Variants in SPTB observed in about 807,000 individuals in gnomAD.
SPTB encodes the protein spectrin beta, erythrocytic.
Under a neutral mutation model 256.2 loss-of-function variants are expected in SPTB, and 45 were observed. The observed-to-expected ratio is 0.18, with a 90% confidence interval of 0.14 to 0.23. The LOEUF (loss-of-function observed/expected upper bound fraction) is 0.23. Among genes scored for constraint, SPTB ranks in the 10% least tolerant of loss-of-function variants. SPTB has a pLI of 1.00. For synonymous variants in SPTB, 1,231 were observed against 1,243.1 expected, an observed-to-expected ratio of 0.99 and a Z score of 0.21; for missense variants, 2,715 against 3,040.4, an observed-to-expected ratio of 0.89 and a Z score of 2.52.
At chr14:64,833,010 A>G (rs1772978105) in intron 1 of SPTB, among the ~76,000 whole-genome samples, 1 of 152,348 alleles carries the variant, frequency 6.6e-6, no homozygotes, top group South Asian at 2.1e-4. Flanking sequence ...AAGGAAGTTT[A>G]AAACCCATAA....
At position 64,747,451 on chromosome 14, in the gene SPTB, T is replaced by C. The variant is rs2081864604; in HGVS notation, c.*1855A>G. On this transcript the variant is annotated 3_prime_UTR_variant, in exon 36 of 36. Transcript: ENST00000644917. The stretch of plus-strand genomic sequence containing the variant: ...ACTAGGTTCCCTGTATAGGGTCATA[T>C]GTACCAAAGCCAAATGAAGACCTTG... 1 of 152,666 alleles carries C rather than the reference T, an allele frequency of 6.6e-6. No individual in the cohort carries two copies. Among genetic ancestry groups the C allele is most frequent in the African/African-American group, 2.4e-5 (1 of 41,458 alleles). The allele number at this position is 152,666 out of a possible 1,614,324, so 9.5% of individuals were successfully genotyped here.
In SPTB at chr14:64,747,689, A is replaced by G. The variant is rs1358447085; in HGVS notation, c.*1617T>C. ...TGTGGCTTCTACCTGAACCTCACCC[A>G]CTTCATCTCCATGGAACTAAGGTCC... is the stretch of plus-strand genomic sequence containing the variant. On this transcript the variant is annotated 3_prime_UTR_variant, in exon 36 of 36. Coordinates refer to ENST00000644917, the MANE Select transcript of SPTB (RefSeq NM_001355436.2). 2 of 152,062 alleles carry G rather than the reference A, an allele frequency of 1.3e-5. No individual in the cohort carries two copies. Among genetic ancestry groups the G allele is most frequent in the Non-Finnish European group, 2.9e-5 (2 of 68,024 alleles). The allele number at this position is 152,062 out of a possible 1,614,324, so 9.4% of individuals were successfully genotyped here.
chr14:64,766,692 C>A lies in SPTB; in HGVS notation c.6345+34G>T, dbSNP rs2082188637. ...TGAGAGGGCTCTGGCTGCAGTGACT[C>A]CCAGGAACTAGACAAACGAGACCAG... On this transcript the variant is annotated intron_variant, in intron 32 of 35. Coordinates refer to ENST00000644917, the MANE Select transcript of SPTB (RefSeq NM_001355436.2). The A allele has an allele frequency of 4.3e-6, 7 of 1,613,518 alleles. No homozygotes were observed. In the East Asian group the frequency reaches 1.6e-4, roughly 36 times the overall value.
intron 1 of SPTB, among the ~76,000 whole-genome samples, chr14:64,842,415 G>A (rs1354705306): frequency 6.6e-6 from 1 of 152,180 alleles, no homozygotes; most frequent in Non-Finnish European, 1.5e-5. Context: ...GCAGTAGGGG[G>A]TAGTGGTTAG....
Position 64,759,301 on chromosome 14 carries a change from C to T in SPTB, c.6346-5508G>A, listed in dbSNP as rs560787247. Among the ~76,000 whole-genome samples, 33 of 152,306 alleles carry T rather than the reference C, an allele frequency of 2.2e-4. No individual in the cohort carries two copies. The highest frequency in any genetic ancestry group is 5.5e-4 in the African/African-American group (23 of 41,554). On this transcript the variant is annotated intron_variant, in intron 32 of 35. Transcript: ENST00000644917. The surrounding 1 kb of genome is among the most constrained non-coding windows in gnomAD (Gnocchi z 4.8). ...GGACCCACCCATGACCCCCTGGCTG[C>T]GAACCTGCAGTGGGAGGCCTGTGGC...
rs1882199955 is a variant in SPTB at position 64,866,643 on chromosome 14, G to A, written c.-52+13149C>T. ...CCATGACAGAGAGTTTTGTTGAAAG[G>A]AACAAAACATGCTCAGAGGCCTGAG... On this transcript the variant is annotated intron_variant, in intron 1 of 35. Coordinates refer to ENST00000644917, the MANE Select transcript of SPTB (RefSeq NM_001355436.2). This position sits in a 1 kb window ranked among gnomAD's most constrained non-coding sequence, Gnocchi z 4.6. Among the ~76,000 whole-genome samples the A allele has an allele frequency of 6.6e-6, 1 of 152,070 alleles. No individual in the cohort carries two copies. The highest frequency in any genetic ancestry group is 1.5e-5 in the Non-Finnish European group (1 of 68,024).
At chr14:64,839,149 T>C (rs1275121993) in intron 1 of SPTB, among the ~76,000 whole-genome samples, 1 of 152,136 alleles carries the variant, frequency 6.6e-6, no homozygotes, top group East Asian at 1.9e-4. Context: ...AAAGCCTCTA[T>C]GCAAATATTT....
intron 1 of SPTB, among the ~76,000 whole-genome samples, chr14:64,867,716 T>C (rs1882271244): frequency 6.6e-6 from 1 of 151,616 alleles, no homozygotes; most frequent in South Asian, 2.1e-4. Flanking sequence ...TACCCGGGCA[T>C]GGTGGCGGGC....
chr14:64,824,413 G>A lies in SPTB; in HGVS notation c.-51-1268C>T, dbSNP rs919371642. 3.3e-5 allele frequency among the ~76,000 whole-genome samples: 5 copies of A among 152,106 alleles called. No homozygotes were observed. The highest frequency in any genetic ancestry group is 2.0e-4 in the Admixed American group (3 of 15,278). On this transcript the variant is annotated intron_variant, in intron 1 of 35. Transcript: ENST00000644917. This position sits in a 1 kb window ranked among gnomAD's most constrained non-coding sequence, Gnocchi z 5.7. ...GGAGTCAGGGGAGAAAAGTGAGGAG[G>A]GGGCCAGGGGAGCCAGGCTTGGTCT... is the stretch of plus-strand genomic sequence containing the variant.
intron 1 of SPTB, among the ~76,000 whole-genome samples, chr14:64,871,013 C>G (rs562307406): frequency 6.6e-6 from 1 of 152,170 alleles, no homozygotes; most frequent in Non-Finnish European, 1.5e-5. Flanking sequence ...GATGGCTGCA[C>G]AGCAATGTGA....
intron 1 of SPTB, among the ~76,000 whole-genome samples, chr14:64,851,842 AACACGC>A (rs1173101017): frequency 6.6e-6 from 1 of 151,778 alleles, no homozygotes; most frequent in Non-Finnish European, 1.5e-5. Flanking sequence ...GGAAGGGAAC[AACACGC>A]ACTAGGGCCT....
At chr14:64,804,677 C>A (rs1458038584) in intron 3 of SPTB, among the ~76,000 whole-genome samples, 2 of 152,124 alleles carry the variant, frequency 1.3e-5, no homozygotes. Flanking sequence ...TACAGATGCC[C>A]AGAGCCCAAA....
rs2082395484 is a variant in SPTB, at chr14:64,778,218, T to C, written c.4563+939A>G. 6.6e-6 allele frequency among the ~76,000 whole-genome samples: 1 copy of C among 152,170 alleles called. No individual in the cohort carries two copies. Reference sequence around the variant, plus strand: ...TGAAGAAACTTCTCTGAATATAATCTAGGCCTCTGCACTGCTGCTGGGCTC... The same window carrying C: ...TGAAGAAACTTCTCTGAATATAATCCAGGCCTCTGCACTGCTGCTGGGCTC... On this transcript the variant is annotated intron_variant, in intron 22 of 35. Coordinates refer to ENST00000644917, the MANE Select transcript of SPTB (RefSeq NM_001355436.2). This position sits in a 1 kb window ranked among gnomAD's most constrained non-coding sequence, Gnocchi z 5.2.
Position 64,873,758 on chromosome 14 carries a change from C to A in SPTB, c.-52+6034G>T, listed in dbSNP as rs1882674892. 6.6e-6 allele frequency among the ~76,000 whole-genome samples: 1 copy of A among 152,132 alleles called. No individual in the cohort carries two copies. The highest frequency in any genetic ancestry group is 2.4e-5 in the African/African-American group (1 of 41,420). On this transcript the variant is annotated intron_variant, in intron 1 of 35. Transcript: ENST00000644917. The surrounding 1 kb of genome is among the most constrained non-coding windows in gnomAD (Gnocchi z 4.3). ...TGAGAAGACCTGGAAACAGCCCCAGCCTCAGAACTAGGCAACTGGGTCAAA... is the reference window on the plus strand; with the variant it reads ...TGAGAAGACCTGGAAACAGCCCCAGACTCAGAACTAGGCAACTGGGTCAAA...
At chr14:64,820,731 C>T (rs1044694898) in intron 2 of SPTB, among the ~76,000 whole-genome samples, 10 of 152,240 alleles carry the variant, frequency 6.6e-5, no homozygotes, top group South Asian at 2.1e-4. Flanking sequence ...AGTGCAGTGG[C>T]GTGATCTTGG....
At chr14:64,878,414 T>G (rs1882937711) in intron 1 of SPTB, among the ~76,000 whole-genome samples, 1 of 152,192 alleles carries the variant, frequency 6.6e-6, no homozygotes, top group Non-Finnish European at 1.5e-5. Flanking sequence ...AAAGGTGTTT[T>G]CAATTGCATT....
At chr14:64,784,875 A>G (rs1415766486) in intron 18 of SPTB, among the ~76,000 whole-genome samples, 1 of 152,206 alleles carries the variant, frequency 6.6e-6, no homozygotes, top group Non-Finnish European at 1.5e-5. Flanking sequence ...AAGTCAGGGA[A>G]AACCCCATTC....
chr14:64,859,704 C>CTCTCTCTCTCTCTG (rs2083929005), intron 1 of SPTB, among the ~76,000 whole-genome samples: 1 of 15,270 alleles, frequency 6.5e-5, no homozygotes, highest in Non-Finnish European at 3.3e-4. Flanking sequence ...GTCTCTCTCT[C>CTCTCTCTCTCTCTG]TCTCTCTCTC....
intron 33 of SPTB, among the ~76,000 whole-genome samples, chr14:64,750,718 G>A (rs1026731877): frequency 6.6e-6 from 1 of 151,458 alleles, no homozygotes; most frequent in Non-Finnish European, 1.5e-5. Context: ...GAAGCTTGTA[G>A]TGAGCCGAGA....
Sources: gnomAD v4.1 joint callset for allele counts (sites outside exome capture counted in the v4.1 genomes callset) on GRCh38, gnomAD v4.1.1 for gene constraint, Gnocchi (gnomAD v3.1) non-coding constraint, MANE v1.5 for transcripts, NCBI Gene and HGNC (gene_info 2026-07-23, HGNC 2026-07-21) for gene names.